The following TMEM223 variants were observed in gnomAD, a reference collection of about 807,000 sequenced individuals.
TMEM223 encodes transmembrane protein 223.
In TMEM223, 14 loss-of-function variants were observed where a neutral mutation model predicts 14.1. That is an observed-to-expected ratio of 0.99 (90% CI 0.66 to 1.55). The LOEUF is 1.55. Among genes scored for constraint, TMEM223 ranks in the 40% most tolerant of loss-of-function variants. TMEM223 has a pLI of 0.00. For missense variants in TMEM223, 346 were observed against 269.9 expected (o/e 1.28, Z -1.97); for synonymous variants, 145 against 120.5 (o/e 1.20, Z -1.33).
At chr11:62,788,654 A>C (rs368914990), downstream of TMEM223, among the ~76,000 whole-genome samples, 140 of 146,730 alleles carry the variant, frequency 9.5e-4, 2 homozygotes, top group Middle Eastern at 3.4e-3. Flanking sequence ...CAGTGAGCCG[A>C]GATGGCGCCA....
Position 62,790,083 on chromosome 11 carries a change from C to T in TMEM223, c.*540G>A. ...GAGTGCTTCCTGCAGCCGAAGACTC[C>T]ATGCCCAAGTGCCTGTAATCCCCCC... On this transcript the variant is annotated 3_prime_UTR_variant, in exon 2 of 2. Transcript: ENST00000307366. The T allele has an allele frequency of 5.1e-6, 8 of 1,557,914 alleles. No individual in the cohort carries two copies. The highest frequency in any genetic ancestry group is 4.3e-6 in the Non-Finnish European group (5 of 1,151,246).
downstream of TMEM223, chr11:62,787,361 G>T (rs2084295978): frequency 1.3e-6 from 2 of 1,536,816 alleles, no homozygotes; most frequent in South Asian, 1.2e-5. Flanking sequence ...CCACCTTCGT[G>T]GGTCGCGCCG....
At chr11:62,776,040 A>G in intron 1 of TMEM223, 1 of 1,344,822 alleles carries the variant, frequency 7.4e-7, no homozygotes, top group Non-Finnish European at 1.0e-6. Flanking sequence ...TGCTCCATAC[A>G]ACAGAGACAG....
In TMEM223 at chr11:62,791,869, G is replaced by A; in HGVS notation, c.126C>T (p.Gly42=). Residue 42 remains glycine (G), a synonymous_variant, in exon 1 of 2, where the codon GGC becomes GGT. Transcript: ENST00000307366. ...RDVLLFEHDR[G]RFFTILGLFC... ...ACAGCCCGAGGATGGTGAAGAAGCG[G>A]CCCCGATCATGCTCAAAGAGCAGCA... 1 of 1,593,322 alleles carries A rather than the reference G, an allele frequency of 6.3e-7. No homozygotes were observed.
chr11:62,790,210 T>A lies in TMEM223; in HGVS notation c.*413A>T. On this transcript the variant is annotated 3_prime_UTR_variant, in exon 2 of 2. Transcript: ENST00000307366. ...CCCCTCCACCTCTTCCTGCAGCTGT[T>A]TTTGTACCAAAATATTATATTACTG... 2 of 765,626 alleles carry A rather than the reference T, an allele frequency of 2.6e-6. No individual in the cohort carries two copies. Among genetic ancestry groups the A allele is most frequent in the Non-Finnish European group, 4.0e-6 (2 of 498,540 alleles). 47.4% of individuals were successfully genotyped at this position (765,626 alleles called of 1,614,324 possible). A position where few individuals can be genotyped will look rare whatever the true frequency, so the allele number is the denominator to read the frequency against.
chr11:62,773,228 A>G (rs1419289829), intron 2 of TMEM223, among the ~76,000 whole-genome samples: 1 of 147,742 alleles, frequency 6.8e-6, no homozygotes, highest in Non-Finnish European at 1.5e-5. Context: ...GCTCACTACA[A>G]CCTCCACCTC....
At chr11:62,783,092 C>T (rs2084242251), downstream of TMEM223, among the ~76,000 whole-genome samples, 3 of 152,184 alleles carry the variant, frequency 2.0e-5, no homozygotes, top group South Asian at 6.2e-4. Context: ...ACCTTCAATT[C>T]CTGTTGTATT....
intron 1 of TMEM223, among the ~76,000 whole-genome samples, chr11:62,781,134 G>A: frequency 6.6e-6 from 1 of 151,458 alleles, no homozygotes; most frequent in Non-Finnish European, 1.5e-5. Flanking sequence ...TACTTGGGAG[G>A]CTGAGGCAGA....
downstream of TMEM223, chr11:62,787,271 A>G (rs758778769): frequency 1.3e-6 from 2 of 1,561,060 alleles, no homozygotes; most frequent in South Asian, 1.2e-5. Context: ...GCGCTCTCGG[A>G]CTACTCGCTG....
downstream of TMEM223, chr11:62,786,966 C>T: frequency 3.5e-6 from 5 of 1,447,872 alleles, no homozygotes; most frequent in Middle Eastern, 7.3e-4. Flanking sequence ...CCGCGTCGGC[C>T]TCTGGGCCCG....
At position 62,778,947 on chromosome 11, in the gene TMEM223, A is replaced by T; in HGVS notation, c.315-4282T>A. The T allele has an allele frequency of 6.2e-7, 1 of 1,613,478 alleles. No homozygotes were observed. Among genetic ancestry groups the T allele is most frequent in the East Asian group, 2.2e-5 (1 of 44,830 alleles). On this transcript the variant is annotated intron_variant, in intron 1 of 2. Transcript: ENST00000528367. ...GTGACTCGTGCTGTGCTAGGGGATG[A>T]TCCGCAACTGATGAAGGTGAGCGAG...
chr11:62,788,078 C>T (rs147317853), downstream of TMEM223, among the ~76,000 whole-genome samples: 254 of 152,322 alleles, frequency 1.7e-3, no homozygotes, highest in African/African-American at 5.8e-3. Context: ...ATAAAGTAGG[C>T]ACTAGTGTGC....
At chr11:62,786,152 G>C (rs778810343), downstream of TMEM223, 29 of 1,388,190 alleles carry the variant, frequency 2.1e-5, no homozygotes, top group Non-Finnish European at 2.9e-5. Context: ...TAGGAGGATT[G>C]AGCCCTGTCT....
intron 1 of TMEM223, chr11:62,781,688 T>C (rs2134715352): frequency 2.1e-6 from 1 of 473,878 alleles, no homozygotes; most frequent in South Asian, 2.2e-5. Flanking sequence ...AGTTGGACAT[T>C]CAGGTTGTAT....
At chr11:62,786,983 C>CT, downstream of TMEM223, 1 of 1,456,634 alleles carries the variant, frequency 6.9e-7, no homozygotes, top group Admixed American at 2.7e-5. Flanking sequence ...CCCGCCGCCT[C>CT]TGAGAGCAGG....
At chr11:62,782,518 A>G, downstream of TMEM223, 1 of 1,064,374 alleles carries the variant, frequency 9.4e-7, no homozygotes, top group South Asian at 1.6e-5. Flanking sequence ...AAATACGCCA[A>G]GGTATTGGTT....
chr11:62,786,236 CTG>C (rs766230988), downstream of TMEM223: 5 of 1,601,846 alleles, frequency 3.1e-6, no homozygotes, highest in African/African-American at 2.7e-5. Context: ...GACATGCTAA[CTG>C]TATTCCTTCT....
At chr11:62,782,798 G>A (rs780584149), downstream of TMEM223, 58 of 1,613,826 alleles carry the variant, frequency 3.6e-5, no homozygotes, top group Middle Eastern at 1.7e-4. Context: ...ATGGAGCCGT[G>A]GTGGGGCTGC....
chr11:62,771,439 G>A (rs2730031), downstream of TMEM223: 24 of 157,020 alleles, frequency 1.5e-4, no homozygotes, highest in African/African-American at 5.8e-4. Flanking sequence ...CGCCGCCACC[G>A]CCCCCGCCGC....
Sources: allele counts gnomAD v4.1 joint callset (sites outside exome capture counted in the v4.1 genomes callset), GRCh38; gene constraint gnomAD v4.1.1; transcripts MANE v1.5; gene names NCBI Gene and HGNC (gene_info 2026-07-23, HGNC 2026-07-21).